SEL1L2: variants seen among roughly 807,000 people sequenced by gnomAD.
SEL1L2 encodes SEL1L2 adaptor subunit of SYVN1 ubiquitin ligase.
SEL1L2 carries 89 observed loss-of-function variants against 98.8 expected under a neutral mutation model. That is an observed-to-expected ratio of 0.90 (90% CI 0.76 to 1.07). The LOEUF is 1.07. Among genes scored for constraint, SEL1L2 ranks in the 50% least tolerant of loss-of-function variants. The pLI is 0.00. For synonymous variants in SEL1L2, 262 were observed against 278.5 expected, an observed-to-expected ratio of 0.94 and a Z score of 0.59; for missense variants, 788 against 812.0, an observed-to-expected ratio of 0.97 and a Z score of 0.36.
intron 18 of SEL1L2, chr20:13,851,289 T>C (rs981130867): frequency 5.3e-5 from 8 of 152,160 alleles, no homozygotes; most frequent in South Asian, 2.1e-4. Context: ...TTAGTAATCA[T>C]TATCTACAAT....
At chr20:13,923,538 G>A (rs2048750471) in intron 3 of SEL1L2, among the ~76,000 whole-genome samples, 1 of 152,194 alleles carries the variant, frequency 6.6e-6, no homozygotes, top group Non-Finnish European at 1.5e-5. Context: ...GGAGGCCCAG[G>A]TGGGTGAATC....
Position 13,866,694 on chromosome 20 carries a change from A to G in SEL1L2, c.1404+8T>C. The G allele has an allele frequency of 2.6e-6, 4 of 1,554,680 alleles. No individual in the cohort carries two copies. Among genetic ancestry groups the G allele is most frequent in the South Asian group, 1.3e-5 (1 of 79,916 alleles). ...AGTGCTTTAAAAACAGCCGCATATT[A>G]TATTTACCTCCACAGCAGTTCTGCA... is the stretch of plus-strand genomic sequence containing the variant. On this transcript the variant is annotated splice_region_variant and intron_variant, in intron 15 of 19. Transcript: ENST00000284951.
intron 18 of SEL1L2, among the ~76,000 whole-genome samples, chr20:13,853,673 G>A (rs1049406174): frequency 1.3e-5 from 2 of 152,136 alleles, no homozygotes; most frequent in African/African-American, 4.8e-5. Context: ...AAGATATTGA[G>A]GCACAGAGAG....
chr20:13,919,656 C>T lies in SEL1L2; in HGVS notation c.284-533G>A, dbSNP rs186822395. On this transcript the variant is annotated intron_variant, in intron 3 of 19. Coordinates refer to ENST00000284951, the MANE Select transcript of SEL1L2 (RefSeq NM_025229.2). ...TTCCTTGGCTGGGCGCGGTGACTCA[C>T]GCCTGTAATCCCAACACTTTGGGAG... 3.0e-3 allele frequency among the ~76,000 whole-genome samples: 463 copies of T among 152,288 alleles called. 1 individual carries two copies. The highest frequency in any genetic ancestry group is 0.011 in the African/African-American group (447 of 41,574).
chr20:13,971,584 G>A (rs951413390), intron 1 of SEL1L2, among the ~76,000 whole-genome samples: 9 of 143,532 alleles, frequency 6.3e-5, no homozygotes, highest in African/African-American at 2.4e-4. Flanking sequence ...TGCCACCATA[G>A]CTAGCTAATT....
At chr20:13,858,968 T>C (rs190454830) in intron 18 of SEL1L2, among the ~76,000 whole-genome samples, 2 of 152,316 alleles carry the variant, frequency 1.3e-5, no homozygotes, top group South Asian at 4.1e-4. Flanking sequence ...CAGGGCCTAC[T>C]GGAAAAAGCA....
intron 3 of SEL1L2, among the ~76,000 whole-genome samples, chr20:13,920,194 C>A (rs1436060924): frequency 6.8e-6 from 1 of 146,532 alleles, no homozygotes. Flanking sequence ...GGCCACTGCA[C>A]TCCAGCCTGG....
At chr20:13,979,770 A>G (rs2051720798) in intron 1 of SEL1L2, among the ~76,000 whole-genome samples, 1 of 152,182 alleles carries the variant, frequency 6.6e-6, no homozygotes. Flanking sequence ...AAGAAAATAT[A>G]GAGGAAAAGC....
chr20:13,901,670 T>A (rs1451367175), intron 5 of SEL1L2, among the ~76,000 whole-genome samples: 1 of 151,524 alleles, frequency 6.6e-6, no homozygotes, highest in African/African-American at 2.4e-5. Flanking sequence ...TTTTTTTCTT[T>A]TTTTTTTTTG....
At chr20:13,894,110 A>C (rs1012554992) in intron 5 of SEL1L2, among the ~76,000 whole-genome samples, 13 of 152,162 alleles carry the variant, frequency 8.5e-5, no homozygotes, top group African/African-American at 3.1e-4. Flanking sequence ...CAAATAAACA[A>C]CCTAACTTTA....
chr20:13,898,805 CGATCT>C (rs2047532148), intron 5 of SEL1L2, among the ~76,000 whole-genome samples: 1 of 152,098 alleles, frequency 6.6e-6, no homozygotes, highest in South Asian at 2.1e-4. Flanking sequence ...TACAATGGCC[CGATCT>C]CGGCTCACTG....
chr20:13,859,486 A>G (rs537952543), intron 17 of SEL1L2, 52 bp from the exon 18 acceptor site: 16 of 1,466,060 alleles, frequency 1.1e-5, no homozygotes, highest in East Asian at 4.7e-5. Flanking sequence ...ATTCATGTAT[A>G]GTTCTCAGGA....
At chr20:13,955,689 G>C (rs917332316) in intron 2 of SEL1L2, among the ~76,000 whole-genome samples, 1 of 152,182 alleles carries the variant, frequency 6.6e-6, no homozygotes, top group East Asian at 1.9e-4. Flanking sequence ...TCCAAAATGT[G>C]CAAAGACATC....
chr20:13,902,452 T>C (rs1463233219), intron 5 of SEL1L2, among the ~76,000 whole-genome samples: 3 of 152,200 alleles, frequency 2.0e-5, no homozygotes, highest in African/African-American at 7.2e-5. Flanking sequence ...TTTCTAGGTA[T>C]CATTATGAAC....
In SEL1L2 at chr20:13,889,856, G is replaced by A. The variant is rs544945740; in HGVS notation, c.550-1344C>T. On this transcript the variant is annotated intron_variant, in intron 5 of 19. Coordinates refer to ENST00000284951, the MANE Select transcript of SEL1L2 (RefSeq NM_025229.2). ...TACTTTTCTTCACATTAATTTTAAC[G>A]TGATGGATGTAAAATATTCAAACAA... is the stretch of plus-strand genomic sequence containing the variant. 9.2e-5 allele frequency among the ~76,000 whole-genome samples: 14 copies of A among 152,274 alleles called. No individual in the cohort carries two copies. In the South Asian group the frequency reaches 1.5e-3, roughly 16 times the overall value.
rs1320096374 is a variant in SEL1L2, at chr20:13,923,092, T to A, written c.284-3969A>T. On this transcript the variant is annotated intron_variant, in intron 3 of 19. Coordinates refer to ENST00000284951, the MANE Select transcript of SEL1L2 (RefSeq NM_025229.2). ...AATCAACAGCACTTTTATTTCTTAG[T>A]GGCCATAAAACAATGGTGTATCTTA... Among the ~76,000 whole-genome samples, 3 of 152,232 alleles carry A rather than the reference T, an allele frequency of 2.0e-5. No homozygotes were observed. In the East Asian group the frequency reaches 5.8e-4, roughly 29 times the overall value.
Position 13,865,462 on chromosome 20 carries a change from G to C in SEL1L2, c.1457C>G (p.Ala486Gly). The C allele has an allele frequency of 6.2e-7, 1 of 1,614,028 alleles. No individual in the cohort carries two copies. The highest frequency in any genetic ancestry group is 8.5e-7 in the Non-Finnish European group (1 of 1,179,942). The change falls in exon 16 of 20, where the codon GCT becomes GGT. Residue 486 changes from alanine to glycine, a missense_variant. Coordinates refer to ENST00000284951, the MANE Select transcript of SEL1L2 (RefSeq NM_025229.2). ...LGHWAEKFLT[A>G]YFAYKDGDID... is the part of the protein sequence containing the mutation. ...ATCACCATCCTTATAGGCAAAGTAA[G>C]CTGTCAGGAATTTCTCAGCCCAGTG...
chr20:13,874,341 G>A (rs955170012), intron 12 of SEL1L2, among the ~76,000 whole-genome samples: 1 of 152,116 alleles, frequency 6.6e-6, no homozygotes, highest in Non-Finnish European at 1.5e-5. Context: ...TTGTTCAGGC[G>A]CTGATCAAGA....
At chr20:13,926,034 C>G (rs1458597195) in intron 3 of SEL1L2, among the ~76,000 whole-genome samples, 1 of 152,164 alleles carries the variant, frequency 6.6e-6, no homozygotes, top group Non-Finnish European at 1.5e-5. Flanking sequence ...AAGGGACCTT[C>G]AGGGCCGGGA....
Sources: allele counts gnomAD v4.1 joint callset (sites outside exome capture counted in the v4.1 genomes callset), GRCh38; gene constraint gnomAD v4.1.1; transcripts MANE v1.5; gene names NCBI Gene and HGNC (gene_info 2026-07-23, HGNC 2026-07-21).